NTM: variants seen among roughly 807,000 people sequenced by gnomAD.
NTM encodes IgLON family member 2.
A neutral mutation model predicts 42.1 loss-of-function variants in NTM; 13 were observed. That is an observed-to-expected ratio of 0.31 (90% confidence interval 0.20 to 0.49). The LOEUF is 0.49. NTM is among the 20% of genes least tolerant of loss of function. The probability of loss-of-function intolerance (pLI) is 0.99; values close to 1 mark genes in which losing one functional copy is unlikely to be tolerated. For missense variants in NTM, 373 were observed against 452.8 expected, an observed-to-expected ratio of 0.82 and a Z score of 1.60; for synonymous variants, 187 against 179.2, an observed-to-expected ratio of 1.04 and a Z score of -0.35.
At chr11:132,006,984 C>T (rs676323) in intron 2 of NTM, among the ~76,000 whole-genome samples, 8,745 of 152,260 alleles carry the variant, frequency 0.057, 396 homozygotes, top group East Asian at 0.13. Flanking sequence ...AAACATTTTA[C>T]TTCCAGTGCG....
At chr11:131,769,595 G>A in intron 1 of NTM, 1 of 983,556 alleles carries the variant, frequency 1.0e-6, no homozygotes, top group Non-Finnish European at 1.2e-6. Context: ...TTTGGATAAT[G>A]CTGTCCTGCA....
chr11:131,381,811 T>C (rs1164875806), intron 1 of NTM, among the ~76,000 whole-genome samples: 6 of 152,180 alleles, frequency 3.9e-5, no homozygotes, highest in Admixed American at 6.5e-5. Context: ...CCTCTGGAGA[T>C]TGTTATAAAG....
Position 131,522,241 on chromosome 11 carries a change from A to G in NTM, c.82+151353A>G, listed in dbSNP as rs538355412. Among the ~76,000 whole-genome samples, 4 of 152,176 alleles carry G rather than the reference A, an allele frequency of 2.6e-5. No homozygotes were observed. In the South Asian group the frequency reaches 8.3e-4, roughly 32 times the overall value. On this transcript the variant is annotated intron_variant, in intron 1 of 8. Transcript: ENST00000683400. ...TTCCTTGGGACCATTGATTACTGCAATTACTGGGAGAATGAGAAAAGATTT... is the reference window on the plus strand; with the variant it reads ...TTCCTTGGGACCATTGATTACTGCAGTTACTGGGAGAATGAGAAAAGATTT...
chr11:131,559,566 G>A (rs1204758302), intron 1 of NTM, among the ~76,000 whole-genome samples: 1 of 152,130 alleles, frequency 6.6e-6, no homozygotes, highest in Non-Finnish European at 1.5e-5. Flanking sequence ...ATAAAATAAT[G>A]TCTCAGTTTC....
chr11:132,082,177 T>G (rs745850428), intron 2 of NTM, among the ~76,000 whole-genome samples: 1 of 152,108 alleles, frequency 6.6e-6, no homozygotes, highest in African/African-American at 2.4e-5. Context: ...CTGGGAATGA[T>G]GCAGAATTTT....
intron 1 of NTM, among the ~76,000 whole-genome samples, chr11:131,849,026 A>G (rs1055616776): frequency 6.6e-6 from 1 of 152,232 alleles, no homozygotes; most frequent in African/African-American, 2.4e-5. Flanking sequence ...AAATAGGTGT[A>G]TAATCATTTC....
chr11:131,667,198 G>T (rs1828145185), intron 1 of NTM, among the ~76,000 whole-genome samples: 1 of 152,024 alleles, frequency 6.6e-6, no homozygotes, highest in African/African-American at 2.4e-5. Flanking sequence ...CCCAATTCTG[G>T]GCAGAATCTA....
intron 1 of NTM, among the ~76,000 whole-genome samples, chr11:131,690,669 G>T (rs2074552269): frequency 6.6e-6 from 1 of 152,240 alleles, no homozygotes; most frequent in Non-Finnish European, 1.5e-5. Flanking sequence ...GAGTGCGGGA[G>T]AATGGCTGGA....
At chr11:131,478,430 T>C (rs1953192985) in intron 1 of NTM, among the ~76,000 whole-genome samples, 1 of 152,212 alleles carries the variant, frequency 6.6e-6, no homozygotes, top group African/African-American at 2.4e-5. Flanking sequence ...ATTTCTGTCA[T>C]AGTGGTTATT....
rs932020184 is a variant in NTM at position 131,794,422 on chromosome 11, T to A, written c.83-117142T>A. On this transcript the variant is annotated intron_variant, in intron 1 of 8. Transcript: ENST00000683400. ...CACCTTCCATCTACATGCTCCGTAG[T>A]TTCTGTGTAAGCGAATGCTGTCACA... 6 of 938,322 alleles carry A rather than the reference T, an allele frequency of 6.4e-6. No homozygotes were observed. The African/African-American group carries it at 8.9e-5, about 14-fold the overall frequency. 58.1% of individuals were successfully genotyped at this position (938,322 alleles called of 1,614,324 possible).
intron 4 of NTM, among the ~76,000 whole-genome samples, chr11:132,257,560 C>T (rs1425783154): frequency 6.6e-6 from 1 of 152,102 alleles, no homozygotes; most frequent in Non-Finnish European, 1.5e-5. Flanking sequence ...CCTGGGAACT[C>T]CTGAAGAAGC....
At chr11:131,718,592 G>A (rs917637128) in intron 1 of NTM, among the ~76,000 whole-genome samples, 4 of 152,294 alleles carry the variant, frequency 2.6e-5, no homozygotes, top group Admixed American at 6.5e-5. Flanking sequence ...AATCTTCTGG[G>A]AAGGTTCTTT....
At chr11:131,989,603 G>A (rs995856805) in intron 2 of NTM, among the ~76,000 whole-genome samples, 2 of 152,022 alleles carry the variant, frequency 1.3e-5, no homozygotes, top group East Asian at 1.9e-4. Flanking sequence ...TAGTTAAGGG[G>A]TTCTAATGTG....
chr11:131,794,741 G>A lies in NTM; in HGVS notation c.83-116823G>A, dbSNP rs545131020. On this transcript the variant is annotated intron_variant, in intron 1 of 8. Coordinates refer to ENST00000683400, the MANE Select transcript of NTM (RefSeq NM_001352005.2). ...CTAAAAGCAGAGATAGCTTGTGTAG[G>A]ACTTAGAACAATGGTGAGCTCCACA... is the stretch of plus-strand genomic sequence containing the variant. The A allele has an allele frequency of 1.0e-5, 10 of 985,382 alleles. No individual in the cohort carries two copies. In the South Asian group the frequency reaches 4.7e-4, roughly 46 times the overall value. 61.0% of individuals were successfully genotyped at this position (985,382 alleles called of 1,614,324 possible).
chr11:131,928,152 T>C (rs1400909280), intron 2 of NTM, among the ~76,000 whole-genome samples: 3 of 152,038 alleles, frequency 2.0e-5, no homozygotes, highest in African/African-American at 7.2e-5. Flanking sequence ...CCAACATCGG[T>C]AGAAGCACTT....
chr11:131,681,179 GTATGTCTCCC>G (rs2072686865), intron 1 of NTM, among the ~76,000 whole-genome samples: 3 of 60,160 alleles, frequency 5.0e-5, no homozygotes, highest in African/African-American at 8.9e-5. Context: ...TTCTGTGTCT[GTATGTCTCCC>G]TGTGTATGTG....
intron 1 of NTM, among the ~76,000 whole-genome samples, chr11:131,488,795 C>T (rs1338961307): frequency 6.6e-6 from 1 of 152,192 alleles, no homozygotes; most frequent in Non-Finnish European, 1.5e-5. Flanking sequence ...GACTGTGGCA[C>T]TTCTTGGGCT....
At chr11:131,732,549 A>T (rs896481223) in intron 1 of NTM, among the ~76,000 whole-genome samples, 5 of 152,218 alleles carry the variant, frequency 3.3e-5, no homozygotes, top group African/African-American at 1.2e-4. Flanking sequence ...AAGGCAATTT[A>T]CCAATTGTTA....
At chr11:131,495,463 G>A (rs1427375426) in intron 1 of NTM, among the ~76,000 whole-genome samples, 2 of 152,260 alleles carry the variant, frequency 1.3e-5, no homozygotes, top group Non-Finnish European at 2.9e-5. Flanking sequence ...GTGCTGCGGT[G>A]GGGCTTGCTT....
Sources: gnomAD v4.1 joint callset for allele counts (sites outside exome capture counted in the v4.1 genomes callset) on GRCh38, gnomAD v4.1.1 for gene constraint, MANE v1.5 for transcripts, NCBI Gene and HGNC (gene_info 2026-07-23, HGNC 2026-07-21) for gene names.